Variants in NRXN3 observed in about 807,000 individuals in gnomAD.
NRXN3 encodes neurexin 3.
In NRXN3, 32 loss-of-function variants were observed where a neutral mutation model predicts 137.6. The observed-to-expected ratio is 0.23, with a 90% CI of 0.18 to 0.31. The LOEUF is 0.31. Among genes scored for constraint, NRXN3 ranks in the 10% least tolerant of loss-of-function variants. The pLI is 1.00. For missense variants in NRXN3, 1,574 were observed against 2,062.5 expected (o/e 0.76, Z 4.59); for synonymous variants, 798 against 784.5 (o/e 1.02, Z -0.29).
chr14:78,262,993 T>C (rs1279794441), intron 2 of NRXN3, among the ~76,000 whole-genome samples: 1 of 151,988 alleles, frequency 6.6e-6, no homozygotes, highest in East Asian at 1.9e-4. Flanking sequence ...GTGAAGTTTT[T>C]CCATCCTGCA....
intron 16 of NRXN3, among the ~76,000 whole-genome samples, chr14:79,555,381 T>A (rs1043511988): frequency 1.3e-5 from 2 of 152,140 alleles, no homozygotes; most frequent in African/African-American, 4.8e-5. Flanking sequence ...TCCTGCAAAG[T>A]AACCCTAATA....
intron 15 of NRXN3, among the ~76,000 whole-genome samples, chr14:79,121,480 G>T (rs182598654): frequency 6.6e-6 from 1 of 152,304 alleles, no homozygotes; most frequent in East Asian, 1.9e-4. Context: ...ACTGCCATGC[G>T]ATTTCTTCTA....
intron 4 of NRXN3, among the ~76,000 whole-genome samples, chr14:78,381,625 T>C (rs1009474549): frequency 6.6e-6 from 1 of 152,156 alleles, no homozygotes; most frequent in Non-Finnish European, 1.5e-5. Context: ...CAAAATCCTA[T>C]ACAAGAATGT....
intron 4 of NRXN3, among the ~76,000 whole-genome samples, chr14:78,389,144 C>A (rs1282321361): frequency 6.6e-6 from 1 of 151,556 alleles, no homozygotes; most frequent in Non-Finnish European, 1.5e-5. Flanking sequence ...CAAACTTTGC[C>A]TCCTGGGTTC....
intron 15 of NRXN3, among the ~76,000 whole-genome samples, chr14:79,251,783 A>T (rs1002046421): frequency 1.3e-5 from 2 of 151,128 alleles, no homozygotes; most frequent in African/African-American, 4.9e-5. Flanking sequence ...TATTACCCCC[A>T]TTTTTCTCTC....
chr14:78,449,672 T>C (rs72681556), intron 4 of NRXN3, among the ~76,000 whole-genome samples: 42,683 of 152,172 alleles, frequency 0.28, 7,568 homozygotes, highest in Non-Finnish European at 0.37. Flanking sequence ...TGAGCATTAA[T>C]ATCTCCATTG....
chr14:78,872,185 A>T (rs867839534), intron 10 of NRXN3, among the ~76,000 whole-genome samples: 24 of 150,190 alleles, frequency 1.6e-4, no homozygotes, highest in African/African-American at 5.6e-4. Flanking sequence ...AAATATCCTC[A>T]ATTTTATCTT....
intron 4 of NRXN3, among the ~76,000 whole-genome samples, chr14:78,496,728 T>G (rs971091612): frequency 1.3e-5 from 2 of 151,698 alleles, no homozygotes; most frequent in African/African-American, 4.8e-5. Flanking sequence ...AGGTGCTGAG[T>G]AGGAGGATAG....
intron 15 of NRXN3, among the ~76,000 whole-genome samples, chr14:79,250,085 A>G (rs970279015): frequency 2.0e-5 from 3 of 152,226 alleles, no homozygotes; most frequent in African/African-American, 7.2e-5. Flanking sequence ...TGACATGTGA[A>G]TATTTCCTTC....
At chr14:78,519,315 A>C (rs1023306292) in intron 4 of NRXN3, among the ~76,000 whole-genome samples, 2 of 152,140 alleles carry the variant, frequency 1.3e-5, no homozygotes, top group African/African-American at 4.8e-5. Flanking sequence ...ATAAGTATGT[A>C]CGTAATGATC....
chr14:78,510,958 A>C (rs1030051438), intron 4 of NRXN3, among the ~76,000 whole-genome samples: 9 of 152,172 alleles, frequency 5.9e-5, no homozygotes, highest in African/African-American at 1.9e-4. Flanking sequence ...TATGACTTGC[A>C]TGGCTTAGGG....
chr14:78,886,416 A>G (rs1288491772), intron 10 of NRXN3, among the ~76,000 whole-genome samples: 5 of 152,118 alleles, frequency 3.3e-5, no homozygotes, highest in African/African-American at 1.2e-4. Flanking sequence ...TATTCAATAA[A>G]TATCATGAGT....
At chr14:78,285,024 T>C (rs1184933576) in intron 3 of NRXN3, among the ~76,000 whole-genome samples, 1 of 152,210 alleles carries the variant, frequency 6.6e-6, no homozygotes, top group Non-Finnish European at 1.5e-5. Flanking sequence ...GTTCTGCCAC[T>C]TTTCCCAGGA....
intron 10 of NRXN3, among the ~76,000 whole-genome samples, chr14:78,818,597 T>C (rs2098941584): frequency 6.6e-6 from 1 of 152,140 alleles, no homozygotes; most frequent in African/African-American, 2.4e-5. Context: ...GATTGGGCCA[T>C]ATTTTGGTTG....
chr14:79,846,724 C>T (rs2099375329), intron 20 of NRXN3, among the ~76,000 whole-genome samples: 1 of 152,174 alleles, frequency 6.6e-6, no homozygotes. Context: ...CAATACTCCA[C>T]TGCACTTAAT....
Position 78,966,161 on chromosome 14 carries a change from C to G in NRXN3, c.2532C>G (p.Leu844=), listed in dbSNP as rs748032889. 9 of 1,614,050 alleles carry G rather than the reference C, an allele frequency of 5.6e-6. No individual in the cohort carries two copies. The South Asian group carries it at 9.9e-5, about 18-fold the overall frequency. The stretch of plus-strand genomic sequence containing the variant: ...AGAGCCTCATGTTTAATGGCCTTCT[C>G]TACATTGACTTGTGCAAAAATGGTG... ...HLQSLMFNGL[L]YIDLCKNGDI... Residue 844 remains leucine (L), a synonymous_variant, in exon 12 of 21, where the codon CTC becomes CTG. Coordinates refer to ENST00000335750, the MANE Select transcript of NRXN3 (RefSeq NM_001330195.2).
At chr14:78,655,200 T>C (rs1235566299) in intron 6 of NRXN3, among the ~76,000 whole-genome samples, 2 of 152,124 alleles carry the variant, frequency 1.3e-5, no homozygotes, top group Non-Finnish European at 2.9e-5. Flanking sequence ...TTCTAACCCA[T>C]AACAAGGAGA....
intron 19 of NRXN3, among the ~76,000 whole-genome samples, chr14:79,728,989 G>A (rs1011636029): frequency 2.0e-5 from 3 of 152,176 alleles, no homozygotes; most frequent in Admixed American, 6.6e-5. Flanking sequence ...CTGTGCTACA[G>A]TAGATCATAA....
chr14:79,456,593 G>T (rs2096260798), intron 15 of NRXN3, among the ~76,000 whole-genome samples: 1 of 151,928 alleles, frequency 6.6e-6, no homozygotes. Flanking sequence ...CGAGCATAGT[G>T]GCGGGTGCCT....
Sources: allele counts gnomAD v4.1 joint callset (sites outside exome capture counted in the v4.1 genomes callset), GRCh38; gene constraint gnomAD v4.1.1; transcripts MANE v1.5; gene names NCBI Gene and HGNC (gene_info 2026-07-23, HGNC 2026-07-21).